Variants in MTUS2 observed in about 807,000 individuals in gnomAD.
MTUS2 encodes the protein microtubule-associated tumor suppressor candidate 2.
MTUS2 carries 40 observed loss-of-function variants against 114.1 expected under a neutral mutation model. The observed-to-expected ratio is 0.35, with a 90% CI of 0.27 to 0.46. The LOEUF (loss-of-function observed/expected upper bound fraction) is 0.46, where lower values mean the gene tolerates loss of function less well. Among genes scored for constraint, MTUS2 ranks in the 20% least tolerant of loss-of-function variants. The pLI, the probability that MTUS2 is intolerant of heterozygous loss-of-function variation, is 1.00. For synonymous variants in MTUS2, 688 were observed against 672.0 expected, an observed-to-expected ratio of 1.02 and a Z score of -0.37; for missense variants, 1,679 against 1,705.4, an observed-to-expected ratio of 0.98 and a Z score of 0.27.
At chr13:29,033,846 G>A (rs1489551292) in intron 3 of MTUS2, 39 bp from the exon 4 acceptor site, 4 of 1,611,420 alleles carry the variant, frequency 2.5e-6, no homozygotes, top group Admixed American at 1.7e-5. Flanking sequence ...ACACTATGAT[G>A]TGAAGGTCTC....
intron 4 of MTUS2, among the ~76,000 whole-genome samples, chr13:29,087,074 C>A (rs941559410): frequency 1.3e-5 from 2 of 152,150 alleles, no homozygotes; most frequent in African/African-American, 4.8e-5. Context: ...TTCCTCTCTT[C>A]CTATTTGGAT....
chr13:29,128,419 C>T (rs9314936), intron 5 of MTUS2, among the ~76,000 whole-genome samples: 5,507 of 151,986 alleles, frequency 0.036, 137 homozygotes, highest in East Asian at 0.088. Flanking sequence ...ACTCAGATGG[C>T]GACAGGAAGG....
intron 5 of MTUS2, among the ~76,000 whole-genome samples, chr13:29,148,838 C>T (rs1225258370): frequency 1.3e-5 from 2 of 151,876 alleles, no homozygotes; most frequent in African/African-American, 4.8e-5. Context: ...TAGCTCCACC[C>T]ATGTCCCTGC....
chr13:29,106,682 T>A (rs938799386), intron 5 of MTUS2, among the ~76,000 whole-genome samples: 1 of 152,138 alleles, frequency 6.6e-6, no homozygotes, highest in Admixed American at 6.5e-5. Flanking sequence ...TGCCTTCTTT[T>A]CTGTTCACTC....
intron 5 of MTUS2, among the ~76,000 whole-genome samples, chr13:29,246,441 A>T (rs1027856266): frequency 2.0e-5 from 3 of 152,160 alleles, no homozygotes; most frequent in Admixed American, 6.5e-5. Context: ...GAACTCAGAG[A>T]CCAGAGAGCC....
chr13:29,091,330 G>A (rs1889937652), intron 4 of MTUS2, among the ~76,000 whole-genome samples: 1 of 152,086 alleles, frequency 6.6e-6, no homozygotes, highest in South Asian at 2.1e-4. Flanking sequence ...AACCTCTTCA[G>A]TGTGCCACAA....
intron 6 of MTUS2, chr13:29,307,742 A>G: frequency 1.8e-6 from 2 of 1,109,708 alleles, no homozygotes; most frequent in Non-Finnish European, 2.7e-6. Flanking sequence ...GGCTACAGCA[A>G]CAGGGTGATG....
chr13:29,285,546 G>A (rs1302370750), intron 6 of MTUS2, among the ~76,000 whole-genome samples: 1 of 152,180 alleles, frequency 6.6e-6, no homozygotes, highest in African/African-American at 2.4e-5. Flanking sequence ...TGGATTTGGT[G>A]CAGCCTCTGG....
chr13:29,041,247 A>G (rs889654244), intron 4 of MTUS2, among the ~76,000 whole-genome samples: 1 of 152,176 alleles, frequency 6.6e-6, no homozygotes, highest in Non-Finnish European at 1.5e-5. Context: ...ATTAAAGATC[A>G]GTTGGTTGTA....
intron 2 of MTUS2, among the ~76,000 whole-genome samples, chr13:28,970,801 C>T (rs1199654193): frequency 1.3e-5 from 2 of 152,150 alleles, no homozygotes; most frequent in Non-Finnish European, 2.9e-5. Flanking sequence ...CATATCAGGG[C>T]CATGGAGCAA....
intron 5 of MTUS2, among the ~76,000 whole-genome samples, chr13:29,207,239 G>T (rs1895227694): frequency 6.6e-6 from 1 of 152,152 alleles, no homozygotes; most frequent in South Asian, 2.1e-4. Flanking sequence ...GTTGCTGTTG[G>T]TGTATAGCAG....
chr13:28,922,273 C>T (rs1189739657), intron 2 of MTUS2, among the ~76,000 whole-genome samples: 2 of 152,168 alleles, frequency 1.3e-5, no homozygotes, highest in Admixed American at 6.5e-5. Context: ...GTCAATTAAG[C>T]CTTTTTTCTT....
intron 8 of MTUS2, among the ~76,000 whole-genome samples, chr13:29,375,567 A>AT (rs1566163379): frequency 2.2e-4 from 1 of 4,532 alleles, no homozygotes; most frequent in Non-Finnish European, 5.5e-4. Context: ...ACGTATATAT[A>AT]TATATACATA....
At position 29,486,585 on chromosome 13, in the gene MTUS2, C is replaced by T. The variant is rs141662022; in HGVS notation, c.3400-1315C>T. On this transcript the variant is annotated intron_variant, in intron 10 of 15. Transcript: ENST00000612955. The stretch of plus-strand genomic sequence containing the variant: ...ACCAAGGAGCTTCAAGACCAGTGCA[C>T]ATTTTCTAGTTCAGTGGTTTTCAAA... 4.8e-3 allele frequency among the ~76,000 whole-genome samples: 728 copies of T among 152,308 alleles called. 3 individuals carry two copies. The highest frequency in any genetic ancestry group is 8.3e-3 in the Non-Finnish European group (566 of 68,016).
intron 2 of MTUS2, among the ~76,000 whole-genome samples, chr13:28,855,393 G>T (rs758824582): frequency 6.6e-6 from 1 of 152,018 alleles, no homozygotes; most frequent in Non-Finnish European, 1.5e-5. Context: ...GCATGCATTA[G>T]CTATTTATCC....
chr13:29,489,301 AACAAT>A (rs1881882721), intron 11 of MTUS2, among the ~76,000 whole-genome samples: 1 of 152,228 alleles, frequency 6.6e-6, no homozygotes, highest in African/African-American at 2.4e-5. Context: ...AATGACAGTT[AACAAT>A]ACATTGATAA....
At chr13:29,091,412 G>T (rs572715830) in intron 4 of MTUS2, among the ~76,000 whole-genome samples, 63 of 152,120 alleles carry the variant, frequency 4.1e-4, no homozygotes, top group Non-Finnish European at 7.6e-4. Context: ...CTAGGCAACA[G>T]CAACTAAGAT....
chr13:29,325,489 A>AGGG (rs1432727464), intron 7 of MTUS2, among the ~76,000 whole-genome samples: 1 of 108,288 alleles, frequency 9.2e-6, no homozygotes, highest in African/African-American at 3.2e-5. Flanking sequence ...GAAGAGGAAG[A>AGGG]GGGAGGAGGA....
intron 5 of MTUS2, among the ~76,000 whole-genome samples, chr13:29,188,031 C>T (rs1424438393): frequency 6.6e-6 from 1 of 152,198 alleles, no homozygotes; most frequent in Admixed American, 6.5e-5. Context: ...TGTCCATCAC[C>T]TGGAGAATTT....
Sources: allele counts gnomAD v4.1 joint callset (sites outside exome capture counted in the v4.1 genomes callset), GRCh38; gene constraint gnomAD v4.1.1; transcripts MANE v1.5; gene names NCBI Gene and HGNC (gene_info 2026-07-23, HGNC 2026-07-21).